MKRN1: variants seen among roughly 807,000 people sequenced by gnomAD.
MKRN1 encodes E3 ubiquitin-protein ligase makorin-1.
MKRN1 carries 9 observed loss-of-function variants against 55.5 expected under a neutral mutation model. The ratio of observed to expected loss-of-function variants is 0.16; its 90% confidence interval spans 0.10 to 0.28. The LOEUF (loss-of-function observed/expected upper bound fraction) is 0.28, where lower values mean the gene tolerates loss of function less well. MKRN1 is among the 10% of genes least tolerant of loss of function. The pLI is 1.00. For synonymous variants in MKRN1, 253 were observed against 235.9 expected (o/e 1.07, Z -0.66); for missense variants, 488 against 626.7 (o/e 0.78, Z 2.36).
rs898640065 is a variant in MKRN1, at chr7:140,457,031, G to A, written c.772-165C>T. ...TTGCTGACAAGTAAACACAGGTGTG[G>A]TGTTTTTTTTTTGTTTGTTTGTTTT... On this transcript the variant is annotated intron_variant, in intron 4 of 7. Coordinates refer to ENST00000255977, the MANE Select transcript of MKRN1 (RefSeq NM_013446.4). 6.0e-6 allele frequency: 4 copies of A among 671,682 alleles called. No homozygotes were observed. The East Asian group carries it at 1.2e-4, about 19-fold the overall frequency. 41.6% of individuals were successfully genotyped at this position (671,682 alleles called of 1,614,324 possible).
At chr7:140,467,798 T>C (rs1012185714) in intron 2 of MKRN1, among the ~76,000 whole-genome samples, 1 of 147,804 alleles carries the variant, frequency 6.8e-6, no homozygotes, top group Non-Finnish European at 1.5e-5. Context: ...AAGCCAGGAG[T>C]TCAAGACCAG....
At chr7:140,473,627 C>T (rs1213648431) in intron 1 of MKRN1, 1 of 156,930 alleles carries the variant, frequency 6.4e-6, no homozygotes, top group East Asian at 1.9e-4. Flanking sequence ...ATTATAAATT[C>T]CTGATGGGTA....
chr7:140,459,004 T>C lies in MKRN1; in HGVS notation c.771+3A>G. On this transcript the variant is annotated splice_donor_region_variant and intron_variant, in intron 4 of 7. Coordinates refer to ENST00000255977, the MANE Select transcript of MKRN1 (RefSeq NM_013446.4). ...TAACACACACATCTCCCTAAAGACT[T>C]ACTTTGATATGCTGCGATCTCTGGG... 1 of 1,613,734 alleles carries C rather than the reference T, an allele frequency of 6.2e-7. No individual in the cohort carries two copies. The highest frequency in any genetic ancestry group is 8.5e-7 in the Non-Finnish European group (1 of 1,179,678).
At chr7:140,458,931 A>AT in intron 4 of MKRN1, 76 bp downstream of exon 4, 2 of 1,482,784 alleles carry the variant, frequency 1.3e-6, no homozygotes, top group South Asian at 2.4e-5. Flanking sequence ...TTTCTCTGAA[A>AT]TAAACCCACA....
chr7:140,474,721 CT>C (rs10706027), intron 1 of MKRN1, among the ~76,000 whole-genome samples: 36,452 of 138,836 alleles, frequency 0.26, 7,750 homozygotes, highest in African/African-American at 0.62. Flanking sequence ...TTCCTTCTTT[CT>C]TTTTTTTTTT....
At chr7:140,479,075 G>T in intron 1 of MKRN1, 85 bp downstream of exon 1, 1 of 1,238,184 alleles carries the variant, frequency 8.1e-7, no homozygotes, top group Non-Finnish European at 1.0e-6. Context: ...CTAGCCGCAG[G>T]CCGGCCGCCC....
At chr7:140,479,069 C>T (rs555099514) in intron 1 of MKRN1, 91 bp downstream of exon 1, 6 of 1,234,708 alleles carry the variant, frequency 4.9e-6, no homozygotes, top group Non-Finnish European at 5.1e-6. Context: ...GCGCCTCTAG[C>T]CGCAGGCCGG....
chr7:140,479,329 T>C lies in MKRN1; in HGVS notation c.16A>G (p.Thr6Ala), dbSNP rs2130387492. The change falls in exon 1 of 8, where the codon ACT becomes GCT. Residue 6 changes from threonine (T) to alanine (A), a missense_variant. Thr to Ala is a moderately conservative substitution (Grantham distance 58, BLOSUM62 0). Around this residue, in one of 2 missense-constraint regions of MKRN1, gnomAD observed 210 missense variants for 220.0 expected, o/e 0.95. Transcript: ENST00000255977. Reference protein sequence around the residue: MAEAATPGTTATTSGA... With the variant: MAEAAAPGTTATTSGA... Reference sequence around the variant, plus strand: ...GATGTTGTGGCTGTTGTTCCGGGAGTTGCAGCCTCCGCCATTACTGTTTAT... The same window carrying C: ...GATGTTGTGGCTGTTGTTCCGGGAGCTGCAGCCTCCGCCATTACTGTTTAT... 1 of 1,306,930 alleles carries C rather than the reference T, an allele frequency of 7.7e-7. No homozygotes were observed. The highest frequency in any genetic ancestry group is 9.8e-7 in the Non-Finnish European group (1 of 1,023,232). 81.0% of individuals were successfully genotyped at this position (1,306,930 alleles called of 1,614,324 possible).
chr7:140,468,922 T>C (rs1378679400), intron 2 of MKRN1, among the ~76,000 whole-genome samples: 1 of 151,996 alleles, frequency 6.6e-6, no homozygotes, highest in African/African-American at 2.4e-5. Flanking sequence ...GGACTCTTAA[T>C]AAACAGATGT....
intron 1 of MKRN1, among the ~76,000 whole-genome samples, chr7:140,473,543 C>A (rs1391670462): frequency 6.6e-6 from 1 of 152,138 alleles, no homozygotes; most frequent in South Asian, 2.1e-4. Context: ...GGCATTTAAT[C>A]AATTCATCTG....
intron 5 of MKRN1, chr7:140,456,377 C>G (rs796535878): frequency 1.5e-6 from 2 of 1,297,588 alleles, no homozygotes; most frequent in African/African-American, 3.0e-5. Context: ...GTTCACTGAG[C>G]CTAAACTGGC....
Position 140,455,121 on chromosome 7 carries a change from T to C in MKRN1, c.1210A>G (p.Lys404Glu). 1.2e-6 allele frequency: 2 copies of C among 1,614,010 alleles called. No individual in the cohort carries two copies. Among genetic ancestry groups the C allele is most frequent in the Non-Finnish European group, 1.7e-6 (2 of 1,180,016 alleles). The change falls in exon 7 of 8, where the codon AAA (lysine) becomes GAA (glutamate). Residue 404 changes from lysine (K) to glutamate (E), a missense_variant. Coordinates refer to ENST00000255977, the MANE Select transcript of MKRN1 (RefSeq NM_013446.4). The part of the protein sequence containing the change: ...DGRREEPQRQ[K>E]VGTSSRYRAQ... Reference sequence around the variant, plus strand: ...CGGTATCTGCTTGATGTTCCCACTTTCTGTCTCTGTGGCTCCTCTCTACGG... The same window carrying C: ...CGGTATCTGCTTGATGTTCCCACTTCCTGTCTCTGTGGCTCCTCTCTACGG...
At chr7:140,454,918 C>CA (rs1315240395) in intron 7 of MKRN1, among the ~76,000 whole-genome samples, 177 bp downstream of exon 7, 1 of 152,172 alleles carries the variant, frequency 6.6e-6, no homozygotes, top group Non-Finnish European at 1.5e-5. Context: ...CTTTAACACA[C>CA]ATTTTTTCTT....
Position 140,469,785 on chromosome 7 carries a change from G to A in MKRN1, c.314+2098C>T, listed in dbSNP as rs187492660. Among the ~76,000 whole-genome samples, 152 of 152,052 alleles carry A rather than the reference G, an allele frequency of 1.0e-3. 1 individual carries two copies. Among genetic ancestry groups the A allele is most frequent in the African/African-American group, 3.1e-3 (130 of 41,486 alleles). On this transcript the variant is annotated intron_variant, in intron 2 of 7. Coordinates refer to ENST00000255977, the MANE Select transcript of MKRN1 (RefSeq NM_013446.4). Reference sequence around the variant, plus strand: ...AAAGTTAGTGGGGTGTGGGCCGGGCGCGGTGGCTCATGCCTACAATCCCAG... The same window carrying A: ...AAAGTTAGTGGGGTGTGGGCCGGGCACGGTGGCTCATGCCTACAATCCCAG...
chr7:140,459,647 G>C lies in MKRN1; in HGVS notation c.544+60C>G. 3 of 1,509,630 alleles carry C rather than the reference G, an allele frequency of 2.0e-6. No individual in the cohort carries two copies. In the South Asian group the frequency reaches 3.4e-5, roughly 17 times the overall value. 93.5% of individuals were successfully genotyped at this position (1,509,630 alleles called of 1,614,324 possible). On this transcript the variant is annotated intron_variant, in intron 3 of 7. Coordinates refer to ENST00000255977, the MANE Select transcript of MKRN1 (RefSeq NM_013446.4). ...GAAAGGGGAAAGTTGTCAAAACTAA[G>C]CAAATGGATGAACTGCTATCCAGCC...
At chr7:140,456,990 G>A (rs1276601219) in intron 4 of MKRN1, 124 bp from the exon 5 acceptor site, 1 of 1,007,976 alleles carries the variant, frequency 9.9e-7, no homozygotes, top group Non-Finnish European at 1.4e-6. Flanking sequence ...TTCCCAAGCT[G>A]ACACGAAAAT....
At chr7:140,463,721 T>TA (rs1263623337) in intron 2 of MKRN1, among the ~76,000 whole-genome samples, 3 of 151,824 alleles carry the variant, frequency 2.0e-5, no homozygotes, top group Admixed American at 1.3e-4. Flanking sequence ...TCGTCTCTAC[T>TA]AAAAATACAA....
chr7:140,464,578 G>A (rs893947708), intron 2 of MKRN1, among the ~76,000 whole-genome samples: 2 of 152,026 alleles, frequency 1.3e-5, no homozygotes, highest in African/African-American at 2.4e-5. Flanking sequence ...GGTGGTGCAT[G>A]CCTGTAATCT....
Position 140,472,025 on chromosome 7 carries a change from G to A in MKRN1, c.186-14C>T. On this transcript the variant is annotated splice_polypyrimidine_tract_variant and intron_variant, in intron 1 of 7. Transcript: ENST00000255977. ...TGCATAAAATACCTGTGAGACGAAA[G>A]ACCACAAAACTGGATTAAAACCAAT... The A allele has an allele frequency of 6.2e-7, 1 of 1,613,420 alleles. No homozygotes were observed.
Sources: allele counts gnomAD v4.1 joint callset (sites outside exome capture counted in the v4.1 genomes callset), GRCh38; gene constraint gnomAD v4.1.1; regional missense constraint gnomAD v4.1.1; transcripts MANE v1.5; gene names NCBI Gene and HGNC (gene_info 2026-07-23, HGNC 2026-07-21).